Variants in ZFP2 observed in about 807,000 individuals in gnomAD.
ZFP2 encodes the protein zinc finger protein ZFP2.
In ZFP2, 33 loss-of-function variants were observed where a neutral mutation model predicts 36.1. The observed-to-expected ratio is 0.92, with a 90% confidence interval of 0.69 to 1.22. The LOEUF (loss-of-function observed/expected upper bound fraction) is 1.22, where lower values mean the gene tolerates loss of function less well. Ranked by LOEUF, ZFP2 falls within the 50% of genes most tolerant of loss-of-function variation. The pLI is 0.00. For missense variants in ZFP2, 522 were observed against 551.4 expected, an observed-to-expected ratio of 0.95 and a Z score of 0.53; for synonymous variants, 170 against 178.0, an observed-to-expected ratio of 0.96 and a Z score of 0.36.
chr5:178,920,768 G>A (rs559791880), intron 4 of ZFP2, among the ~76,000 whole-genome samples: 1 of 152,252 alleles, frequency 6.6e-6, no homozygotes, highest in East Asian at 1.9e-4. Context: ...GTTGGAACAA[G>A]TAAGGCAGAT....
intron 1 of ZFP2, among the ~76,000 whole-genome samples, chr5:178,906,665 C>T (rs911736200): frequency 6.6e-6 from 1 of 152,010 alleles, no homozygotes; most frequent in East Asian, 1.9e-4. Flanking sequence ...AAGTGATTTT[C>T]CAGCCTCAGC....
chr5:178,911,313 T>C (rs879902480), intron 1 of ZFP2, among the ~76,000 whole-genome samples: 11 of 152,178 alleles, frequency 7.2e-5, no homozygotes, highest in African/African-American at 2.4e-4. Flanking sequence ...ATTCAGTCCT[T>C]CTTTCTCCAC....
In ZFP2 at chr5:178,923,365, C is replaced by A. The variant is rs1040141937; in HGVS notation, c.-78+6655C>A. Among the ~76,000 whole-genome samples the A allele has an allele frequency of 1.3e-5, 2 of 149,520 alleles. 1 individual carries two copies. The highest frequency in any genetic ancestry group is 4.9e-5 in the African/African-American group (2 of 41,174). On this transcript the variant is annotated intron_variant, in intron 4 of 4. Transcript: ENST00000361362. The stretch of plus-strand genomic sequence containing the variant: ...TCTATGAATTTGACTACTCTAGATA[C>A]CTCATATGAGTTGAATCATGCAATA...
chr5:178,910,285 C>G, intron 1 of ZFP2: 1 of 1,359,834 alleles, frequency 7.4e-7, no homozygotes, highest in Non-Finnish European at 1.1e-6. Context: ...CAAAAGTGCT[C>G]CATGCCTTCC....
intron 4 of ZFP2, among the ~76,000 whole-genome samples, chr5:178,923,285 C>T (rs1323374435): frequency 6.7e-6 from 1 of 149,636 alleles, no homozygotes; most frequent in South Asian, 2.1e-4. Context: ...ATCCTTTAAG[C>T]AATAGCATCC....
At chr5:178,931,159 C>T (rs574784304) in intron 4 of ZFP2, 78 bp from the exon 5 acceptor site, 213 of 1,384,994 alleles carry the variant, frequency 1.5e-4, no homozygotes, top group Non-Finnish European at 1.9e-4. Context: ...TAGTTTAATT[C>T]TCTCATTCCT....
At chr5:178,917,720 G>A (rs1375971605) in intron 4 of ZFP2, among the ~76,000 whole-genome samples, 1 of 152,182 alleles carries the variant, frequency 6.6e-6, no homozygotes, top group Admixed American at 6.5e-5. Flanking sequence ...CATACACAGA[G>A]AATTTATATA....
chr5:178,896,423 G>A (rs1239626639), intron 1 of ZFP2, among the ~76,000 whole-genome samples: 1 of 151,136 alleles, frequency 6.6e-6, no homozygotes, highest in Non-Finnish European at 1.5e-5. Context: ...AACCTAACCC[G>A]CGGACATCCC....
chr5:178,929,024 C>T (rs1335875840), intron 4 of ZFP2, among the ~76,000 whole-genome samples: 1 of 152,236 alleles, frequency 6.6e-6, no homozygotes, highest in East Asian at 1.9e-4. Flanking sequence ...GAAGCAGCAG[C>T]CTGAGCTGTA....
intron 1 of ZFP2, among the ~76,000 whole-genome samples, chr5:178,901,671 G>A (rs957630644): frequency 2.6e-5 from 4 of 152,148 alleles, no homozygotes; most frequent in Non-Finnish European, 5.9e-5. Flanking sequence ...CTATTGCAAG[G>A]TACTAGAAGC....
At chr5:178,907,486 G>T (rs1272086548) in intron 1 of ZFP2, among the ~76,000 whole-genome samples, 1 of 151,758 alleles carries the variant, frequency 6.6e-6, no homozygotes, top group Admixed American at 6.6e-5. Context: ...GGGGTTAAGT[G>T]ACAACATGGG....
At chr5:178,902,315 G>A (rs10055777) in intron 1 of ZFP2, among the ~76,000 whole-genome samples, 80,303 of 151,906 alleles carry the variant, frequency 0.53, 21,736 homozygotes, top group Non-Finnish European at 0.6. Context: ...ATCATACCTA[G>A]CAAAAATACA....
chr5:178,922,728 C>T, intron 4 of ZFP2: 1 of 1,567,094 alleles, frequency 6.4e-7, no homozygotes, highest in East Asian at 2.2e-5. Context: ...TTAACTGGAG[C>T]AAAGGGAGAT....
chr5:178,915,407 A>G (rs13358264), intron 3 of ZFP2, among the ~76,000 whole-genome samples: 142,316 of 146,586 alleles, frequency 0.97, 69,203 homozygotes, highest in East Asian at 1. Context: ...TCCGCCTTCC[A>G]GGTTCAAGCA....
intron 4 of ZFP2, among the ~76,000 whole-genome samples, chr5:178,923,235 G>A (rs570489040): frequency 2.0e-5 from 3 of 149,554 alleles, no homozygotes; most frequent in South Asian, 2.1e-4. Context: ...ACCGCCATCC[G>A]TCTCCAGAAC....
In ZFP2 at chr5:178,924,460, A is replaced by T. The variant is rs773560530; in HGVS notation, c.-77-6777A>T. ...TTCATTTTGAGTTCATTAACTCAAA[A>T]GTCCGAAGTTTCATCTTAGTGTTAT... is the stretch of plus-strand genomic sequence containing the variant. On this transcript the variant is annotated intron_variant, in intron 4 of 4. Transcript: ENST00000361362. Among the ~76,000 whole-genome samples, 27 of 148,872 alleles carry T rather than the reference A, an allele frequency of 1.8e-4. 3 individuals are homozygous for T. Among genetic ancestry groups the T allele is most frequent in the Non-Finnish European group, 3.3e-4 (22 of 66,336 alleles).
intron 1 of ZFP2, among the ~76,000 whole-genome samples, chr5:178,901,107 A>G (rs1324631195): frequency 6.6e-6 from 1 of 152,198 alleles, no homozygotes; most frequent in African/African-American, 2.4e-5. Flanking sequence ...GTTTTTAGCT[A>G]TTATGAATAA....
chr5:178,896,263 G>C (rs971901523), intron 1 of ZFP2, among the ~76,000 whole-genome samples: 3 of 152,240 alleles, frequency 2.0e-5, no homozygotes, highest in South Asian at 4.1e-4. Flanking sequence ...CCCCGGAGCA[G>C]CGGGGATGGG....
At chr5:178,918,966 C>G (rs960110694) in intron 4 of ZFP2, among the ~76,000 whole-genome samples, 1 of 152,104 alleles carries the variant, frequency 6.6e-6, no homozygotes, top group Admixed American at 6.6e-5. Flanking sequence ...CCCCCCTAAC[C>G]GTTTTTCATT....
Sources: allele counts gnomAD v4.1 joint callset (sites outside exome capture counted in the v4.1 genomes callset), GRCh38; gene constraint gnomAD v4.1.1; transcripts MANE v1.5; gene names NCBI Gene and HGNC (gene_info 2026-07-23, HGNC 2026-07-21).